Variants in CDH23 observed in about 807,000 individuals in gnomAD.
The protein encoded by CDH23 is cadherin related 23, also known as cadherin-23.
In CDH23, 189 loss-of-function variants were observed where a neutral mutation model predicts 317.1. That is an observed-to-expected ratio of 0.60 (90% confidence interval 0.53 to 0.67). The LOEUF (loss-of-function observed/expected upper bound fraction) is 0.67, where lower values mean the gene tolerates loss of function less well. CDH23 is among the 30% of genes least tolerant of loss of function. CDH23 has a pLI of 0.00. For synonymous variants in CDH23, 1,839 were observed against 1,876.8 expected, an observed-to-expected ratio of 0.98 and a Z score of 0.52; for missense variants, 4,401 against 4,592.4, an observed-to-expected ratio of 0.96 and a Z score of 1.20.
At chr10:71,503,392 A>G (rs1182330186) in intron 3 of CDH23, among the ~76,000 whole-genome samples, 1 of 152,240 alleles carries the variant, frequency 6.6e-6, no homozygotes, top group Non-Finnish European at 1.5e-5. Context: ...ATTTGTGCAC[A>G]CAGTTAAGAA....
chr10:71,429,141 G>A (rs1013431165), intron 1 of CDH23, among the ~76,000 whole-genome samples: 1 of 152,122 alleles, frequency 6.6e-6, no homozygotes, highest in Non-Finnish European at 1.5e-5. Flanking sequence ...CATATCCATA[G>A]TGTTATCAGT....
chr10:71,418,348 G>A (rs1214708782), intron 1 of CDH23, among the ~76,000 whole-genome samples: 1 of 152,146 alleles, frequency 6.6e-6, no homozygotes. Flanking sequence ...TCTTAATCCA[G>A]TCAGGGCCTG....
intron 14 of CDH23, among the ~76,000 whole-genome samples, chr10:71,673,745 C>T (rs1268146765): frequency 6.6e-6 from 1 of 152,136 alleles, no homozygotes; most frequent in Non-Finnish European, 1.5e-5. Context: ...GGAGGTGGTG[C>T]TAATAATAGT....
intron 11 of CDH23, chr10:71,622,906 T>C: frequency 1.0e-6 from 1 of 985,364 alleles, no homozygotes; most frequent in Non-Finnish European, 1.2e-6. Context: ...GGAATTGGAA[T>C]ATTTCAGAAA....
intron 9 of CDH23, among the ~76,000 whole-genome samples, chr10:71,599,137 A>AC (rs1217396002): frequency 6.6e-6 from 1 of 151,716 alleles, no homozygotes; most frequent in East Asian, 1.9e-4. Context: ...AACACAGCAC[A>AC]CCCCCATGTA....
intron 47 of CDH23, among the ~76,000 whole-genome samples, chr10:71,792,256 T>A (rs1167786995): frequency 1.3e-5 from 2 of 152,142 alleles, no homozygotes; most frequent in East Asian, 3.8e-4. Flanking sequence ...AATCTGTATG[T>A]AATCTAATAT....
intron 3 of CDH23, among the ~76,000 whole-genome samples, chr10:71,475,630 C>T (rs1051853417): frequency 1.3e-5 from 2 of 152,190 alleles, no homozygotes. Context: ...CAGTGTGAGG[C>T]CCATCTGTCA....
At chr10:71,455,929 C>T (rs369286952) in intron 3 of CDH23, among the ~76,000 whole-genome samples, 9 of 152,088 alleles carry the variant, frequency 5.9e-5, no homozygotes, top group East Asian at 1.9e-4. Flanking sequence ...TGCTGGGGTC[C>T]GGATTGCAGC....
chr10:71,651,689 T>C (rs1046287743), intron 14 of CDH23, among the ~76,000 whole-genome samples: 1 of 152,202 alleles, frequency 6.6e-6, no homozygotes, highest in Non-Finnish European at 1.5e-5. Context: ...GCTGTTTCTC[T>C]TCTTCCCAAA....
intron 1 of CDH23, among the ~76,000 whole-genome samples, chr10:71,413,158 G>A (rs1848407799): frequency 1.3e-5 from 2 of 152,060 alleles, no homozygotes; most frequent in Admixed American, 1.3e-4. Context: ...TTTTGTATAT[G>A]GTATAAGATT....
chr10:71,624,786 T>TA (rs1861635009), intron 11 of CDH23, among the ~76,000 whole-genome samples: 2 of 151,558 alleles, frequency 1.3e-5, no homozygotes, highest in East Asian at 3.9e-4. Flanking sequence ...GTCCTTTCTA[T>TA]AGAGGAAGAA....
At chr10:71,802,846 G>A in intron 53 of CDH23, 52 bp from the exon 54 acceptor site, 1 of 1,601,606 alleles carries the variant, frequency 6.2e-7, no homozygotes, top group East Asian at 2.2e-5. Context: ...CAGGTCCGCT[G>A]AGGCTGCCCC....
intron 6 of CDH23, among the ~76,000 whole-genome samples, chr10:71,553,674 C>T (rs1312898429): frequency 6.6e-6 from 1 of 152,198 alleles, no homozygotes; most frequent in Non-Finnish European, 1.5e-5. Context: ...TTGTTAGGCA[C>T]CGCTTCCCAT....
At chr10:71,789,799 G>A (rs983730773) in intron 45 of CDH23, among the ~76,000 whole-genome samples, 30 of 152,232 alleles carry the variant, frequency 2.0e-4, no homozygotes, top group African/African-American at 6.5e-4. Context: ...GCACAACCAG[G>A]GAATCCCAGG....
At chr10:71,697,600 T>C (rs1865440416) in intron 22 of CDH23, among the ~76,000 whole-genome samples, 1 of 151,804 alleles carries the variant, frequency 6.6e-6, no homozygotes, top group Admixed American at 6.6e-5. Flanking sequence ...TGAGCCTGGA[T>C]GATAGAAGCT....
intron 28 of CDH23, chr10:71,717,352 C>T (rs1405277857): frequency 2.0e-5 from 3 of 152,236 alleles, no homozygotes; most frequent in Non-Finnish European, 2.9e-5. Context: ...GCCTTGCCAC[C>T]CCTCTGGCCC....
chr10:71,680,810 C>CTTTTTTTTTTTTTTTTTTTTTT (rs562449159), intron 17 of CDH23, among the ~76,000 whole-genome samples: 2 of 100,560 alleles, frequency 2.0e-5, no homozygotes, highest in Non-Finnish European at 3.7e-5. Context: ...CTCTGTCTTT[C>CTTTTTTTTTTTTTTTTTTTTTT]TTTTTTTTTT....
At position 71,677,656 on chromosome 10, in the gene CDH23, A is replaced by G; in HGVS notation, c.1715A>G (p.Glu572Gly). The G allele has an allele frequency of 6.3e-7, 1 of 1,577,282 alleles. No homozygotes were observed. The highest frequency in any genetic ancestry group is 8.6e-7 in the Non-Finnish European group (1 of 1,161,810). Reference protein sequence around the residue: ...QKDAYVGALRENEPSVTQLVR... With the variant: ...QKDAYVGALRGNEPSVTQLVR... ...GATGCCTACGTGGGTGCTCTGCGGG[A>G]GAACGAGCCTTCTGTCACACAGCTG... is the stretch of plus-strand genomic sequence containing the variant. Residue 572 changes from glutamate to glycine, a missense_variant, in exon 16 of 70, where the codon GAG becomes GGG. Physicochemically the swap from Glu to Gly is moderately conservative, Grantham distance 98. Coordinates refer to ENST00000224721, the MANE Select transcript of CDH23 (RefSeq NM_022124.6).
At chr10:71,507,136 G>A (rs1022512798) in intron 3 of CDH23, among the ~76,000 whole-genome samples, 5 of 152,180 alleles carry the variant, frequency 3.3e-5, no homozygotes, top group Admixed American at 6.5e-5. Context: ...GGGCCCTGAG[G>A]TACAGCAGGT....
Sources: gnomAD v4.1 joint callset for allele counts (sites outside exome capture counted in the v4.1 genomes callset) on GRCh38, gnomAD v4.1.1 for gene constraint, MANE v1.5 for transcripts, NCBI Gene and HGNC (gene_info 2026-07-23, HGNC 2026-07-21) for gene names.